Variants in SLC26A8 observed in about 807,000 individuals in gnomAD.
SLC26A8 encodes solute carrier family 26 member 8.
Under a neutral mutation model 105.0 loss-of-function variants are expected in SLC26A8, and 70 were observed. The ratio of observed to expected loss-of-function variants is 0.67; its 90% confidence interval spans 0.55 to 0.81. SLC26A8 has a LOEUF of 0.81. SLC26A8 is among the 40% of genes least tolerant of loss of function. The probability of loss-of-function intolerance (pLI) is 0.00; values close to 1 mark genes in which losing one functional copy is unlikely to be tolerated. For synonymous variants in SLC26A8, 415 were observed against 438.3 expected (o/e 0.95, Z 0.66); for missense variants, 998 against 1,181.8 (o/e 0.84, Z 2.28).
chr6:35,976,002 A>C (rs963240450), intron 9 of SLC26A8, among the ~76,000 whole-genome samples: 3 of 152,044 alleles, frequency 2.0e-5, no homozygotes, highest in African/African-American at 7.2e-5. Context: ...GCTAGTCATC[A>C]CAAGGAAAGT....
At chr6:36,021,391 T>C (rs985422008) in intron 1 of SLC26A8, among the ~76,000 whole-genome samples, 1 of 151,852 alleles carries the variant, frequency 6.6e-6, no homozygotes, top group Non-Finnish European at 1.5e-5. Flanking sequence ...CCCCGTATAA[T>C]TGTCCAATGT....
At chr6:35,982,556 G>A (rs182873294) in intron 7 of SLC26A8, among the ~76,000 whole-genome samples, 5 of 152,160 alleles carry the variant, frequency 3.3e-5, no homozygotes, top group African/African-American at 4.8e-5. Context: ...CAGTGAGATC[G>A]ATCCATTTAA....
chr6:36,011,682 A>C (rs1761860214), intron 3 of SLC26A8, among the ~76,000 whole-genome samples: 1 of 152,052 alleles, frequency 6.6e-6, no homozygotes, highest in African/African-American at 2.4e-5. Context: ...ATCACTGCTC[A>C]CTACAGTCTC....
intron 17 of SLC26A8, 122 bp downstream of exon 17, chr6:35,955,030 C>G: frequency 8.8e-7 from 1 of 1,130,702 alleles, no homozygotes; most frequent in Non-Finnish European, 1.3e-6. Flanking sequence ...GTCCAAGGCT[C>G]TGGTGGCCTA....
At chr6:35,965,331 T>C (rs147461039) in intron 11 of SLC26A8, among the ~76,000 whole-genome samples, 57 of 152,324 alleles carry the variant, frequency 3.7e-4, no homozygotes, top group African/African-American at 1.3e-3. Context: ...CACAAGCATA[T>C]AAAAATCGTT....
chr6:36,024,522 C>A lies in SLC26A8; in HGVS notation c.-21G>T. On this transcript the variant is annotated 5_prime_UTR_variant, in exon 1 of 20. Coordinates refer to ENST00000490799, the MANE Select transcript of SLC26A8 (RefSeq NM_052961.4). ...GGCTCACCTGGCTCCTTGGCGGGGG[C>A]GGGAGTGCGGGCGCTGGGATCCCAC... is the stretch of plus-strand genomic sequence containing the variant. The A allele has an allele frequency of 2.3e-6, 1 of 431,650 alleles. No individual in the cohort carries two copies. Among genetic ancestry groups the A allele is most frequent in the Non-Finnish European group, 4.6e-6 (1 of 217,232 alleles). The allele number at this position is 431,650 out of a possible 1,614,324, so 26.7% of individuals were successfully genotyped here. A position where few individuals can be genotyped will look rare whatever the true frequency, so the allele number is the denominator to read the frequency against.
intron 2 of SLC26A8, among the ~76,000 whole-genome samples, chr6:36,019,069 G>T (rs1304958972): frequency 6.6e-6 from 1 of 152,138 alleles, no homozygotes; most frequent in Non-Finnish European, 1.5e-5. Flanking sequence ...TGGAATTACA[G>T]CACGTGCCAC....
chr6:35,960,251 C>T, intron 14 of SLC26A8: 1 of 158,664 alleles, frequency 6.3e-6, no homozygotes. Context: ...CTCTGCTTTT[C>T]CTGCTGTCTT....
At position 35,955,216 on chromosome 6, in the gene SLC26A8, G is replaced by T. The variant is rs777362756; in HGVS notation, c.2168C>A (p.Thr723Asn). The T allele has an allele frequency of 1.2e-6, 2 of 1,614,138 alleles. No individual in the cohort carries two copies. Among genetic ancestry groups the T allele is most frequent in the South Asian group, 2.2e-5 (2 of 91,078 alleles). ...SDASLLPSVH[T>N]IILDFSMVHY... is the part of the protein sequence containing the mutation. ...TACCATGGAGAAATCCAGGATGATG[G>T]TGTGGACACTGGGCAGTAGAGACGC... Residue 723 changes from threonine to asparagine, a missense_variant, in exon 17 of 20, where the codon ACC becomes AAC. Thr to Asn is a moderately conservative substitution (Grantham distance 65). Coordinates refer to ENST00000490799, the MANE Select transcript of SLC26A8 (RefSeq NM_052961.4).
chr6:35,988,153 G>A (rs1016246247), intron 7 of SLC26A8, among the ~76,000 whole-genome samples: 13 of 151,154 alleles, frequency 8.6e-5, no homozygotes, highest in Non-Finnish European at 1.6e-4. Context: ...TCAGGTGGTC[G>A]GCCCACCTCG....
chr6:35,974,371 C>T (rs1772915867), intron 10 of SLC26A8, among the ~76,000 whole-genome samples: 1 of 152,134 alleles, frequency 6.6e-6, no homozygotes, highest in Non-Finnish European at 1.5e-5. Context: ...CTTATAAAAT[C>T]TCATGCCTGC....
At chr6:36,023,208 T>TCCATCCATCCAC in intron 1 of SLC26A8, among the ~76,000 whole-genome samples, 1 of 151,262 alleles carries the variant, frequency 6.6e-6, no homozygotes, top group South Asian at 2.1e-4. Context: ...CATCCATCCA[T>TCCATCCATCCAC]TTATCTAATT....
chr6:35,972,284 C>T (rs976781506), intron 10 of SLC26A8, among the ~76,000 whole-genome samples: 1 of 151,768 alleles, frequency 6.6e-6, no homozygotes, highest in African/African-American at 2.4e-5. Flanking sequence ...GAGCCCCCAG[C>T]GGGTTGGCGC....
At chr6:36,019,953 C>T (rs924403613) in intron 1 of SLC26A8, among the ~76,000 whole-genome samples, 1 of 152,194 alleles carries the variant, frequency 6.6e-6, no homozygotes, top group Admixed American at 6.5e-5. Flanking sequence ...AGAGCCAGGA[C>T]TAGAACCCAG....
intron 10 of SLC26A8, chr6:35,969,904 C>CATGGCCAA (rs1772721981): frequency 6.6e-6 from 1 of 152,224 alleles, no homozygotes; most frequent in Non-Finnish European, 1.5e-5. Context: ...ACTTTGGGCT[C>CATGGCCAA]AGTGTCTCTT....
At chr6:36,002,345 A>G (rs979478073) in intron 3 of SLC26A8, among the ~76,000 whole-genome samples, 7 of 152,128 alleles carry the variant, frequency 4.6e-5, no homozygotes, top group Admixed American at 4.6e-4. Flanking sequence ...ATATTCTTGT[A>G]CATGTCTCCT....
At position 35,956,109 on chromosome 6, in the gene SLC26A8, A is replaced by G. The variant is rs148215514; in HGVS notation, c.1864-589T>C. Among the ~76,000 whole-genome samples, 34 of 152,186 alleles carry G rather than the reference A, an allele frequency of 2.2e-4. No homozygotes were observed. The East Asian group carries it at 6.4e-3, about 29-fold the overall frequency. On this transcript the variant is annotated intron_variant, in intron 16 of 19. Transcript: ENST00000490799. ...TACAAAACAATAAAAAATAAATAAG[A>G]ATAAAAATAGCTGGGCGTGTCAGTG... is the stretch of plus-strand genomic sequence containing the variant.
intron 10 of SLC26A8, among the ~76,000 whole-genome samples, chr6:35,972,977 C>G (rs951562399): frequency 6.7e-6 from 1 of 148,924 alleles, no homozygotes; most frequent in African/African-American, 2.5e-5. Context: ...CTTCCTCCTT[C>G]CATCTACACA....
In SLC26A8 at chr6:36,019,688, C is replaced by T. The variant is rs201560074; in HGVS notation, c.20G>A (p.Ser7Asn). Reference protein sequence around the residue: MAQLERSAISGFSSKSR... With the variant: MAQLERNAISGFSSKSR... ...CTTAGAGCTGAAGCCAGAGATGGCG[C>T]TCCTCTCTAGTTGTGCCATTCCTGG... is the stretch of plus-strand genomic sequence containing the variant. The change falls in exon 2 of 20, where the codon AGC becomes AAC. Residue 7 changes from serine to asparagine, a missense_variant. Transcript: ENST00000490799. 1.9e-4 allele frequency: 308 copies of T among 1,613,596 alleles called. No homozygotes were observed. Among genetic ancestry groups the T allele is most frequent in the Non-Finnish European group, 2.3e-4 (268 of 1,179,704 alleles).
Sources: allele counts gnomAD v4.1 joint callset (sites outside exome capture counted in the v4.1 genomes callset), GRCh38; gene constraint gnomAD v4.1.1; transcripts MANE v1.5; gene names NCBI Gene and HGNC (gene_info 2026-07-23, HGNC 2026-07-21).